Variants in MYBPC1 observed in about 807,000 individuals in gnomAD.
MYBPC1 encodes the protein myosin-binding protein C, slow-type.
A neutral mutation model predicts 147.1 loss-of-function variants in MYBPC1; 52 were observed. That is an observed-to-expected ratio of 0.35 (90% CI 0.28 to 0.45). MYBPC1 has a LOEUF of 0.45. Ranked by LOEUF, MYBPC1 falls within the 20% of genes least tolerant of loss-of-function variation. The pLI is 1.00. For missense variants in MYBPC1, 1,228 were observed against 1,440.3 expected (o/e 0.85, Z 2.39); for synonymous variants, 477 against 475.9 (o/e 1.00, Z -0.03).
chr12:101,643,930 T>G (rs1892569956), intron 11 of MYBPC1, among the ~76,000 whole-genome samples: 1 of 152,226 alleles, frequency 6.6e-6, no homozygotes, highest in Admixed American at 6.5e-5. Context: ...GAATTTATCT[T>G]ATAAATTCTG....
intron 13 of MYBPC1, 108 bp from the exon 14 acceptor site, chr12:101,647,937 C>T: frequency 1.2e-6 from 1 of 854,350 alleles, no homozygotes; most frequent in Non-Finnish European, 2.0e-6. Flanking sequence ...CCATGTCAAC[C>T]ATAGATGTTG....
intron 22 of MYBPC1, 72 bp from the exon 23 acceptor site, chr12:101,667,660 T>A: frequency 6.4e-7 from 1 of 1,554,178 alleles, no homozygotes; most frequent in Non-Finnish European, 8.9e-7. Context: ...TGGAGTTGAC[T>A]GTAATGGTTA....
intron 24 of MYBPC1, 91 bp downstream of exon 24, chr12:101,670,500 G>T (rs1898416759): frequency 1.8e-6 from 2 of 1,101,212 alleles, no homozygotes; most frequent in Non-Finnish European, 2.8e-6. Flanking sequence ...AGTTCATCAT[G>T]ATTCAGGATT....
At chr12:101,598,541 G>A (rs903569794) in intron 1 of MYBPC1, among the ~76,000 whole-genome samples, 3 of 151,940 alleles carry the variant, frequency 2.0e-5, no homozygotes, top group East Asian at 1.9e-4. Context: ...AACATCCTGC[G>A]ACAACTGTTA....
chr12:101,610,175 G>A lies in MYBPC1; in HGVS notation c.26-4321G>A, dbSNP rs180698652. On this transcript the variant is annotated intron_variant, in intron 1 of 31. Coordinates refer to ENST00000361466, the MANE Select transcript of MYBPC1 (RefSeq NM_002465.4). Reference sequence around the variant, plus strand: ...CCACTCCTTGGTTTCCCAGTTTCCAGGTTTAAGACAACTGGAATTCTCTGT... The same window carrying A: ...CCACTCCTTGGTTTCCCAGTTTCCAAGTTTAAGACAACTGGAATTCTCTGT... Among the ~76,000 whole-genome samples the A allele has an allele frequency of 3.8e-3, 586 of 152,244 alleles. 3 individuals carry two copies. Among genetic ancestry groups the A allele is most frequent in the Non-Finnish European group, 6.3e-3 (426 of 68,018 alleles).
At chr12:101,687,911 T>A (rs142661870), downstream of MYBPC1, among the ~76,000 whole-genome samples, 1 of 152,348 alleles carries the variant, frequency 6.6e-6, no homozygotes, top group Non-Finnish European at 1.5e-5. Flanking sequence ...TAATGTTACT[T>A]TTCTACATAT....
downstream of MYBPC1, among the ~76,000 whole-genome samples, chr12:101,687,230 C>A (rs533292530): frequency 2.2e-3 from 332 of 152,194 alleles, no homozygotes; most frequent in African/African-American, 7.9e-3. Context: ...CCGCTCCCCC[C>A]ACCCCACAAC....
chr12:101,629,142 CA>C, intron 5 of MYBPC1: 1 of 405,638 alleles, frequency 2.5e-6, no homozygotes, highest in Non-Finnish European at 4.7e-6. Context: ...GATGGGGAAG[CA>C]AAGGAATTAT....
intron 3 of MYBPC1, among the ~76,000 whole-genome samples, chr12:101,617,903 A>T (rs1886506533): frequency 6.6e-6 from 1 of 152,182 alleles, no homozygotes; most frequent in African/African-American, 2.4e-5. Context: ...GGAAGAAATG[A>T]TTATCATTAC....
intron 2 of MYBPC1, among the ~76,000 whole-genome samples, chr12:101,615,101 A>T (rs777246444): frequency 6.6e-6 from 1 of 152,250 alleles, no homozygotes. Flanking sequence ...TGGCAACAGG[A>T]AATGAGTACA....
intron 1 of MYBPC1, among the ~76,000 whole-genome samples, chr12:101,603,142 T>C (rs924470472): frequency 2.6e-5 from 4 of 151,988 alleles, no homozygotes; most frequent in Non-Finnish European, 4.4e-5. Context: ...GTCGGGAGTT[T>C]GAGACCAGCC....
chr12:101,618,507 C>T (rs139598163), intron 3 of MYBPC1, among the ~76,000 whole-genome samples: 12 of 152,290 alleles, frequency 7.9e-5, no homozygotes, highest in South Asian at 2.1e-4. Context: ...TGGGCATACA[C>T]CTCTGTTTCC....
chr12:101,612,980 A>G (rs1203939231), intron 1 of MYBPC1, among the ~76,000 whole-genome samples: 6 of 152,212 alleles, frequency 3.9e-5, no homozygotes, highest in African/African-American at 1.2e-4. Flanking sequence ...TGCAAATTAC[A>G]TCACATCCTG....
At position 101,680,380 on chromosome 12, in the gene MYBPC1, T is replaced by C. The variant is rs1950858011; in HGVS notation, c.3284T>C (p.Val1095Ala). The change falls in exon 29 of 32, where the codon GTG (valine) becomes GCG (alanine). Residue 1095 changes from valine (V) to alanine (A), a missense_variant. Coordinates refer to ENST00000361466, the MANE Select transcript of MYBPC1 (RefSeq NM_002465.4). ...TGGATGAAAAACAAAGTTGCTATTG[T>C]GGATGATCCAAGATACAGGATGTTC... ...ITWMKNKVAI[V>A]DDPRYRMFSN... 8.7e-6 allele frequency: 14 copies of C among 1,614,110 alleles called. No individual in the cohort carries two copies. Among genetic ancestry groups the C allele is most frequent in the Non-Finnish European group, 1.2e-5 (14 of 1,179,974 alleles).
At chr12:101,667,076 T>G (rs1479801642) in intron 22 of MYBPC1, among the ~76,000 whole-genome samples, 1 of 152,182 alleles carries the variant, frequency 6.6e-6, no homozygotes, top group African/African-American at 2.4e-5. Flanking sequence ...GGGTTAAAAT[T>G]CTCTCGATGT....
chr12:101,610,039 G>A (rs1169454653), intron 1 of MYBPC1, among the ~76,000 whole-genome samples: 1 of 152,194 alleles, frequency 6.6e-6, no homozygotes, highest in East Asian at 1.9e-4. Context: ...GAATTAGAGC[G>A]AGAGAGATGC....
chr12:101,636,561 G>T (rs1239742935), intron 9 of MYBPC1, 111 bp from the exon 10 acceptor site: 1 of 841,676 alleles, frequency 1.2e-6, no homozygotes, highest in East Asian at 2.6e-5. Flanking sequence ...TGTTGATTTA[G>T]TCCTTGTGTG....
chr12:101,600,389 G>A (rs1294989078), intron 1 of MYBPC1: 2 of 151,658 alleles, frequency 1.3e-5, no homozygotes, highest in Non-Finnish European at 2.9e-5. Flanking sequence ...AATCAAACAT[G>A]AATGTTGAAG....
intron 10 of MYBPC1, among the ~76,000 whole-genome samples, chr12:101,640,201 G>A (rs983333623): frequency 1.3e-5 from 2 of 151,888 alleles, no homozygotes; most frequent in Non-Finnish European, 2.9e-5. Flanking sequence ...TTGTAGAGAC[G>A]GGGTTTCACC....
Sources: allele counts gnomAD v4.1 joint callset (sites outside exome capture counted in the v4.1 genomes callset), GRCh38; gene constraint gnomAD v4.1.1; transcripts MANE v1.5; gene names NCBI Gene and HGNC (gene_info 2026-07-23, HGNC 2026-07-21).